Variants in NCAM2 observed in about 807,000 individuals in gnomAD.
NCAM2 encodes the protein neural cell adhesion molecule 2.
In NCAM2, 30 loss-of-function variants were observed where a neutral mutation model predicts 98.1. That is an observed-to-expected ratio of 0.31 (90% CI 0.23 to 0.41). The LOEUF (loss-of-function observed/expected upper bound fraction) is 0.41, where lower values mean the gene tolerates loss of function less well. Ranked by LOEUF, NCAM2 falls within the 10% of genes least tolerant of loss-of-function variation. The pLI is 1.00. For missense variants in NCAM2, 867 were observed against 1,005.8 expected, an observed-to-expected ratio of 0.86 and a Z score of 1.87; for synonymous variants, 368 against 342.4, an observed-to-expected ratio of 1.07 and a Z score of -0.83.
At chr21:21,109,060 G>A (rs999878262) in intron 1 of NCAM2, among the ~76,000 whole-genome samples, 15 of 152,154 alleles carry the variant, frequency 9.9e-5, no homozygotes, top group African/African-American at 3.1e-4. Flanking sequence ...TCACATTTGT[G>A]AAAGTTATTT....
At chr21:21,387,168 C>G (rs1242778713) in intron 9 of NCAM2, among the ~76,000 whole-genome samples, 3 of 143,656 alleles carry the variant, frequency 2.1e-5, no homozygotes, top group Non-Finnish European at 4.6e-5. Context: ...ATGGCCTTTA[C>G]TTGGTGCGCA....
intron 1 of NCAM2, among the ~76,000 whole-genome samples, chr21:21,267,526 A>G (rs2072329541): frequency 6.6e-6 from 1 of 152,162 alleles, no homozygotes; most frequent in African/African-American, 2.4e-5. Flanking sequence ...TTTTGTTTAA[A>G]TAAATTCCAT....
chr21:21,300,251 A>G (rs1413771513), intron 5 of NCAM2, among the ~76,000 whole-genome samples: 4 of 151,860 alleles, frequency 2.6e-5, no homozygotes, highest in South Asian at 2.1e-4. Context: ...CAGGGGCCCT[A>G]TTTGCAAACA....
chr21:21,350,060 TAAA>T (rs1438728439), intron 8 of NCAM2, among the ~76,000 whole-genome samples: 4 of 152,242 alleles, frequency 2.6e-5, no homozygotes, highest in Admixed American at 1.3e-4. Flanking sequence ...TAAAATAACT[TAAA>T]AAGTGTAATT....
At chr21:21,108,041 C>A (rs1264801839) in intron 1 of NCAM2, among the ~76,000 whole-genome samples, 1 of 151,920 alleles carries the variant, frequency 6.6e-6, no homozygotes, top group Non-Finnish European at 1.5e-5. Flanking sequence ...TATATATTTC[C>A]TCTAAAGTAA....
chr21:21,112,677 T>A (rs1032368423), intron 1 of NCAM2, among the ~76,000 whole-genome samples: 3 of 152,150 alleles, frequency 2.0e-5, no homozygotes, highest in Admixed American at 1.3e-4. Flanking sequence ...TATCGGTCTG[T>A]CACCATCAGG....
At chr21:21,157,130 TTGTC>T (rs2049316925) in intron 1 of NCAM2, among the ~76,000 whole-genome samples, 1 of 152,170 alleles carries the variant, frequency 6.6e-6, no homozygotes, top group Non-Finnish European at 1.5e-5. Context: ...ACTACACTAT[TTGTC>T]TGTGGACTCA....
chr21:21,476,855 A>G (rs141850514), intron 14 of NCAM2, among the ~76,000 whole-genome samples: 66 of 152,126 alleles, frequency 4.3e-4, no homozygotes, highest in African/African-American at 1.4e-3. Context: ...AAGATACTTT[A>G]TCTTTCTTCC....
intron 9 of NCAM2, among the ~76,000 whole-genome samples, chr21:21,375,723 T>C (rs1366663299): frequency 6.6e-6 from 1 of 151,738 alleles, no homozygotes; most frequent in Non-Finnish European, 1.5e-5. Flanking sequence ...TTTTTTAATT[T>C]TTCTAAATGT....
intron 16 of NCAM2, among the ~76,000 whole-genome samples, chr21:21,533,917 G>A (rs925675839): frequency 6.6e-6 from 1 of 151,836 alleles, no homozygotes; most frequent in African/African-American, 2.4e-5. Flanking sequence ...ATGCATATAT[G>A]TTACAAAGAT....
intron 11 of NCAM2, among the ~76,000 whole-genome samples, chr21:21,420,562 CTTTAAT>C (rs1439686102): frequency 1.3e-5 from 2 of 151,800 alleles, no homozygotes; most frequent in Non-Finnish European, 1.5e-5. Flanking sequence ...TTATTTATAA[CTTTAAT>C]TTTATATTAA....
chr21:21,431,123 T>TTGTGTGTGTG (rs3037969), intron 11 of NCAM2, among the ~76,000 whole-genome samples: 9 of 141,238 alleles, frequency 6.4e-5, no homozygotes, highest in Admixed American at 3.6e-4. Flanking sequence ...TAATATATGT[T>TTGTGTGTGTG]TGTGTGTGTG....
chr21:21,260,890 C>G (rs989651392), intron 1 of NCAM2, among the ~76,000 whole-genome samples: 25 of 152,138 alleles, frequency 1.6e-4, no homozygotes, highest in Admixed American at 1.6e-3. Flanking sequence ...CTGATTTTTC[C>G]ACTTAAAAGA....
chr21:21,065,222 A>G (rs1056912555), intron 1 of NCAM2, among the ~76,000 whole-genome samples: 3 of 151,920 alleles, frequency 2.0e-5, no homozygotes, highest in African/African-American at 7.3e-5. Context: ...AAACAAAACA[A>G]AAAAAACTTA....
intron 4 of NCAM2, among the ~76,000 whole-genome samples, chr21:21,289,755 C>G (rs756586792): frequency 2.0e-5 from 3 of 151,830 alleles, no homozygotes; most frequent in Non-Finnish European, 4.4e-5. Flanking sequence ...TCTGCTACTA[C>G]GGAGTTTGTA....
intron 1 of NCAM2, among the ~76,000 whole-genome samples, chr21:21,157,387 G>T (rs1190104501): frequency 2.0e-5 from 3 of 152,044 alleles, no homozygotes; most frequent in Non-Finnish European, 4.4e-5. Context: ...TGATATTATA[G>T]ATTACAGTCA....
At chr21:21,120,252 A>T (rs987387634) in intron 1 of NCAM2, among the ~76,000 whole-genome samples, 1 of 152,208 alleles carries the variant, frequency 6.6e-6, no homozygotes, top group African/African-American at 2.4e-5. Context: ...AAGGATAATG[A>T]CACAGATAAA....
chr21:21,087,008 T>C lies in NCAM2; in HGVS notation c.55+88390T>C, dbSNP rs570728653. Among the ~76,000 whole-genome samples the C allele has an allele frequency of 5.9e-5, 9 of 151,876 alleles. No individual in the cohort carries two copies. The South Asian group carries it at 1.9e-3, about 32-fold the overall frequency. ...GATCGTTTTGTAGACATATCTAACA[T>C]TGTAACCTGTCTTCCCAGAAAGGTG... is the stretch of plus-strand genomic sequence containing the variant. On this transcript the variant is annotated intron_variant, in intron 1 of 17. Transcript: ENST00000400546.
chr21:21,395,659 A>G (rs570694552), intron 9 of NCAM2, among the ~76,000 whole-genome samples: 16 of 152,052 alleles, frequency 1.1e-4, no homozygotes, highest in Non-Finnish European at 2.1e-4. Flanking sequence ...CATGGATTAA[A>G]TAGACACACA....
Sources: allele counts gnomAD v4.1 joint callset (sites outside exome capture counted in the v4.1 genomes callset), GRCh38; gene constraint gnomAD v4.1.1; transcripts MANE v1.5; gene names NCBI Gene and HGNC (gene_info 2026-07-23, HGNC 2026-07-21).